The following ATP9B variants were observed in gnomAD, a reference collection of about 807,000 sequenced individuals.
The protein encoded by ATP9B is probable phospholipid-transporting ATPase IIB.
A neutral mutation model predicts 146.1 loss-of-function variants in ATP9B; 110 were observed. That is an observed-to-expected ratio of 0.75 (90% CI 0.65 to 0.88). The LOEUF (loss-of-function observed/expected upper bound fraction) is 0.88. ATP9B is among the 40% of genes least tolerant of loss of function. The pLI is 0.00. For synonymous variants in ATP9B, 604 were observed against 569.7 expected (o/e 1.06, Z -0.86); for missense variants, 1,499 against 1,496.4 (o/e 1.00, Z -0.03).
chr18:79,325,147 C>T (rs1007553899), intron 15 of ATP9B, among the ~76,000 whole-genome samples: 61 of 152,316 alleles, frequency 4.0e-4, no homozygotes, highest in African/African-American at 1.4e-3. Flanking sequence ...GTGACGCATT[C>T]TTTCCTCCCC....
chr18:79,331,477 G>A (rs1054802006), intron 17 of ATP9B, among the ~76,000 whole-genome samples: 2 of 152,134 alleles, frequency 1.3e-5, no homozygotes, highest in African/African-American at 4.8e-5. Context: ...TTTTCACAAA[G>A]ATAACTTTAT....
At chr18:79,254,243 T>C (rs187234836) in intron 12 of ATP9B, 2 of 152,356 alleles carry the variant, frequency 1.3e-5, no homozygotes, top group Non-Finnish European at 2.9e-5. Flanking sequence ...ACTAAAACGG[T>C]ATAGAATGCT....
At chr18:79,355,849 C>T (rs1260007409) in intron 25 of ATP9B, among the ~76,000 whole-genome samples, 1 of 152,186 alleles carries the variant, frequency 6.6e-6, no homozygotes, top group Non-Finnish European at 1.5e-5. Context: ...AAACCAGAGA[C>T]AAACCCATTG....
intron 17 of ATP9B, among the ~76,000 whole-genome samples, chr18:79,332,656 T>C (rs984421581): frequency 2.6e-5 from 4 of 152,156 alleles, no homozygotes; most frequent in Non-Finnish European, 5.9e-5. Flanking sequence ...GCATAAACTT[T>C]ACTGAAAATA....
chr18:79,290,881 G>A lies in ATP9B; in HGVS notation c.1412-12723G>A, dbSNP rs149512500. On this transcript the variant is annotated intron_variant, in intron 13 of 29. Transcript: ENST00000426216. ...CAAGAAAGTTTATTGCTCTAGGTGC[G>A]TGGCATATCTCAGTGTTACCTTTCT... Among the ~76,000 whole-genome samples, 525 of 152,282 alleles carry A rather than the reference G, an allele frequency of 3.4e-3. 1 individual carries two copies. The highest frequency in any genetic ancestry group is 6.4e-3 in the South Asian group (31 of 4,820).
chr18:79,117,369 G>C (rs1436220383), intron 4 of ATP9B: 1 of 152,212 alleles, frequency 6.6e-6, no homozygotes, highest in African/African-American at 2.4e-5. Flanking sequence ...AAAATATAAA[G>C]CAGGAAAAAT....
At chr18:79,260,535 T>G (rs1200525900) in intron 12 of ATP9B, among the ~76,000 whole-genome samples, 2 of 152,206 alleles carry the variant, frequency 1.3e-5, no homozygotes, top group African/African-American at 4.8e-5. Context: ...GGATCTGTGT[T>G]GGAGTCTGTT....
At chr18:79,336,000 G>T (rs2096822770) in intron 17 of ATP9B, among the ~76,000 whole-genome samples, 1 of 151,802 alleles carries the variant, frequency 6.6e-6, no homozygotes, top group Non-Finnish European at 1.5e-5. Context: ...CTGGCACCAG[G>T]CGCTCCCCTC....
chr18:79,175,484 G>GCA (rs1343760078), intron 7 of ATP9B, among the ~76,000 whole-genome samples: 1 of 152,074 alleles, frequency 6.6e-6, no homozygotes, highest in African/African-American at 2.4e-5. Context: ...AGATATATGT[G>GCA]CACACACACA....
intron 6 of ATP9B, among the ~76,000 whole-genome samples, chr18:79,149,970 A>G (rs1451522004): frequency 6.6e-6 from 1 of 152,134 alleles, no homozygotes; most frequent in Admixed American, 6.5e-5. Flanking sequence ...AGTCCTAGCT[A>G]CTTGGGAGGC....
intron 26 of ATP9B, chr18:79,361,703 A>G: frequency 1.1e-6 from 1 of 877,716 alleles, no homozygotes; most frequent in South Asian, 5.3e-5. Flanking sequence ...TTGAAGCTAA[A>G]GAACTATTTT....
intron 12 of ATP9B, among the ~76,000 whole-genome samples, chr18:79,258,695 A>C (rs2096110040): frequency 6.6e-6 from 1 of 152,142 alleles, no homozygotes; most frequent in African/African-American, 2.4e-5. Flanking sequence ...TATGTTTAGC[A>C]TGTTCAGTCA....
intron 11 of ATP9B, among the ~76,000 whole-genome samples, chr18:79,245,618 A>C (rs1237209568): frequency 1.5e-5 from 1 of 65,496 alleles, no homozygotes; most frequent in Admixed American, 1.7e-4. Flanking sequence ...GTACCACCCT[A>C]CTGACTGGGG....
intron 5 of ATP9B, among the ~76,000 whole-genome samples, chr18:79,128,761 G>A (rs898432317): frequency 9.2e-5 from 14 of 152,156 alleles, no homozygotes; most frequent in Admixed American, 9.2e-4. Context: ...AGAGTTGGCG[G>A]CTCCATATGC....
At chr18:79,194,473 G>A (rs1333191953) in intron 9 of ATP9B, 1 of 152,296 alleles carries the variant, frequency 6.6e-6, no homozygotes, top group African/African-American at 2.4e-5. Flanking sequence ...TCAAACGGGA[G>A]CGTATGGCTC....
At chr18:79,341,776 G>A (rs1350285489) in intron 19 of ATP9B, among the ~76,000 whole-genome samples, 4 of 150,540 alleles carry the variant, frequency 2.7e-5, no homozygotes, top group African/African-American at 4.9e-5. Flanking sequence ...CTGCGTTGCC[G>A]ACACACCATT....
intron 11 of ATP9B, among the ~76,000 whole-genome samples, chr18:79,246,766 G>A (rs1212553102): frequency 2.6e-5 from 4 of 152,216 alleles, no homozygotes; most frequent in Admixed American, 6.5e-5. Flanking sequence ...CCTATGGGAG[G>A]TGTGAGTACG....
intron 2 of ATP9B, among the ~76,000 whole-genome samples, chr18:79,096,878 C>T (rs896267971): frequency 1.3e-4 from 19 of 151,940 alleles, no homozygotes; most frequent in Non-Finnish European, 1.9e-4. Flanking sequence ...AGCTGGAGGC[C>T]GGGTGTGGTG....
intron 8 of ATP9B, among the ~76,000 whole-genome samples, chr18:79,190,777 C>T (rs1199761678): frequency 1.3e-5 from 2 of 152,114 alleles, no homozygotes; most frequent in African/African-American, 4.8e-5. Flanking sequence ...AACTCCTGGC[C>T]TCATGTGATC....
Sources: allele counts gnomAD v4.1 joint callset (sites outside exome capture counted in the v4.1 genomes callset), GRCh38; gene constraint gnomAD v4.1.1; transcripts MANE v1.5; gene names NCBI Gene and HGNC (gene_info 2026-07-23, HGNC 2026-07-21).